MAML3: variants seen among roughly 807,000 people sequenced by gnomAD.
The protein encoded by MAML3 is mastermind like transcriptional coactivator 3.
A neutral mutation model predicts 101.9 loss-of-function variants in MAML3; 27 were observed. The ratio of observed to expected loss-of-function variants is 0.27; its 90% CI spans 0.20 to 0.37. The LOEUF is 0.37. MAML3 is among the 10% of genes least tolerant of loss of function. The pLI is 1.00. For synonymous variants in MAML3, 501 were observed against 555.9 expected, an observed-to-expected ratio of 0.90 and a Z score of 1.39; for missense variants, 1,316 against 1,444.9, an observed-to-expected ratio of 0.91 and a Z score of 1.45.
At chr4:140,053,306 T>TCCC (rs1298216567) in intron 1 of MAML3, among the ~76,000 whole-genome samples, 1 of 152,088 alleles carries the variant, frequency 6.6e-6, no homozygotes, top group Non-Finnish European at 1.5e-5. Context: ...CTCCTACTAC[T>TCCC]CCCCTTCATC....
chr4:140,091,490 T>G (rs896446797), intron 1 of MAML3, among the ~76,000 whole-genome samples: 3 of 136,584 alleles, frequency 2.2e-5, no homozygotes, highest in African/African-American at 7.9e-5. Flanking sequence ...TTAGAACCCT[T>G]TCAACTAGAG....
At chr4:139,854,042 C>T (rs891635591) in intron 2 of MAML3, among the ~76,000 whole-genome samples, 4 of 151,896 alleles carry the variant, frequency 2.6e-5, no homozygotes, top group Non-Finnish European at 1.5e-5. Flanking sequence ...AGGCTGGTCT[C>T]GAACTCCTGG....
At chr4:139,940,878 T>C (rs1342933928) in intron 1 of MAML3, among the ~76,000 whole-genome samples, 1 of 152,218 alleles carries the variant, frequency 6.6e-6, no homozygotes, top group Non-Finnish European at 1.5e-5. Flanking sequence ...GGAATTGCTG[T>C]TGATTAAGAT....
chr4:139,872,025 C>T (rs1252992846), intron 2 of MAML3, among the ~76,000 whole-genome samples: 1 of 152,134 alleles, frequency 6.6e-6, no homozygotes, highest in Non-Finnish European at 1.5e-5. Context: ...AGGAAGTGAA[C>T]AGCAGGCACT....
At chr4:139,812,984 AAAAAG>A (rs1449914906) in intron 2 of MAML3, among the ~76,000 whole-genome samples, 22 of 150,936 alleles carry the variant, frequency 1.5e-4, no homozygotes, top group African/African-American at 4.4e-4. Context: ...AAAAAAAAAA[AAAAAG>A]GGGAGAACCT....
intron 1 of MAML3, among the ~76,000 whole-genome samples, chr4:140,001,891 G>T (rs1287565881): frequency 6.6e-6 from 1 of 152,092 alleles, no homozygotes; most frequent in Non-Finnish European, 1.5e-5. Flanking sequence ...TCAAAGGAAA[G>T]ATGAAAATAA....
chr4:139,923,519 A>C (rs1733167029), intron 1 of MAML3, among the ~76,000 whole-genome samples: 1 of 151,870 alleles, frequency 6.6e-6, no homozygotes, highest in Non-Finnish European at 1.5e-5. Flanking sequence ...TGCATTATAA[A>C]CCCCTTCTGA....
At chr4:139,806,611 C>T (rs1373753533) in intron 2 of MAML3, among the ~76,000 whole-genome samples, 2 of 152,190 alleles carry the variant, frequency 1.3e-5, no homozygotes, top group Middle Eastern at 3.4e-3. Context: ...AGAATCTACA[C>T]TATGAAAACA....
In MAML3 at chr4:139,923,769, C is replaced by G. The variant is rs547138743; in HGVS notation, c.469-32802G>C. ...GTAGATAATTAACTTTTTTTGATAA[C>G]TCATAGGGTCATAAGTTACTGACCT... On this transcript the variant is annotated intron_variant, in intron 1 of 4. Coordinates refer to ENST00000509479, the MANE Select transcript of MAML3 (RefSeq NM_018717.5). Among the ~76,000 whole-genome samples the G allele has an allele frequency of 1.3e-3, 199 of 152,218 alleles. 1 individual carries two copies. Among genetic ancestry groups the G allele is most frequent in the African/African-American group, 4.3e-3 (180 of 41,534 alleles).
intron 1 of MAML3, among the ~76,000 whole-genome samples, chr4:139,944,179 CA>C (rs1389391724): frequency 6.6e-6 from 1 of 151,856 alleles, no homozygotes; most frequent in African/African-American, 2.4e-5. Flanking sequence ...CTAAAGACAA[CA>C]TTTTTTTTTT....
At chr4:139,993,752 T>TA (rs1397199265) in intron 1 of MAML3, among the ~76,000 whole-genome samples, 2 of 151,648 alleles carry the variant, frequency 1.3e-5, no homozygotes, top group African/African-American at 4.8e-5. Context: ...TGCTTGAACC[T>TA]GGGAGGCGGA....
chr4:139,810,802 T>C (rs1730783635), intron 2 of MAML3, among the ~76,000 whole-genome samples: 1 of 152,208 alleles, frequency 6.6e-6, no homozygotes, highest in Non-Finnish European at 1.5e-5. Context: ...TAGCTAATAT[T>C]CCTTCTCTTC....
chr4:139,912,314 C>G (rs1478060898), intron 1 of MAML3, among the ~76,000 whole-genome samples: 1 of 152,102 alleles, frequency 6.6e-6, no homozygotes, highest in East Asian at 1.9e-4. Flanking sequence ...TCTTTCTTTT[C>G]TCAATGACCT....
chr4:140,104,058 CTGTTTT>C (rs1338450372), intron 1 of MAML3, among the ~76,000 whole-genome samples: 7 of 151,890 alleles, frequency 4.6e-5, no homozygotes, highest in African/African-American at 1.7e-4. Flanking sequence ...TCACTCACTT[CTGTTTT>C]TAATAGAGAT....
chr4:140,053,131 A>G (rs1727295534), intron 1 of MAML3, among the ~76,000 whole-genome samples: 1 of 152,164 alleles, frequency 6.6e-6, no homozygotes, highest in African/African-American at 2.4e-5. Flanking sequence ...GTAGTTACAC[A>G]TTCCTCAGAC....
chr4:139,753,252 A>T (rs1000410901), intron 2 of MAML3, among the ~76,000 whole-genome samples: 6 of 152,200 alleles, frequency 3.9e-5, no homozygotes, highest in African/African-American at 1.4e-4. Context: ...GATCGATACC[A>T]TGATCTATTT....
intron 1 of MAML3, among the ~76,000 whole-genome samples, chr4:139,934,210 GATGT>G (rs1231224253): frequency 2.6e-5 from 4 of 152,022 alleles, no homozygotes; most frequent in African/African-American, 4.8e-5. Flanking sequence ...GTCTGTGTGT[GATGT>G]ATGTATTTAT....
intron 1 of MAML3, among the ~76,000 whole-genome samples, chr4:139,925,228 T>G (rs1465392742): frequency 6.6e-6 from 1 of 151,832 alleles, no homozygotes; most frequent in East Asian, 1.9e-4. Context: ...ACTCTTTTTG[T>G]TTGTTTGTTT....
intron 1 of MAML3, among the ~76,000 whole-genome samples, chr4:140,077,534 C>T (rs539619709): frequency 6.6e-6 from 1 of 152,180 alleles, no homozygotes; most frequent in Admixed American, 6.5e-5. Context: ...AGTTCTGTGA[C>T]CACTAAACCA....
Sources: gnomAD v4.1 joint callset for allele counts (sites outside exome capture counted in the v4.1 genomes callset) on GRCh38, gnomAD v4.1.1 for gene constraint, MANE v1.5 for transcripts, NCBI Gene and HGNC (gene_info 2026-07-23, HGNC 2026-07-21) for gene names.